ERFL: variants seen among roughly 807,000 people sequenced by gnomAD.
The protein encoded by ERFL is ETS domain-containing transcription factor ERF-like.
A neutral mutation model predicts 27.9 loss-of-function variants in ERFL; 8 were observed. The ratio of observed to expected loss-of-function variants is 0.29; its 90% CI spans 0.17 to 0.52. ERFL has a LOEUF of 0.52. Ranked by LOEUF, ERFL falls within the 20% of genes least tolerant of loss-of-function variation. The probability of loss-of-function intolerance (pLI) is 0.97; values close to 1 mark genes in which losing one functional copy is unlikely to be tolerated. For missense variants in ERFL, 294 were observed against 444.4 expected (o/e 0.66, Z 3.04); for synonymous variants, 174 against 202.8 (o/e 0.86, Z 1.21).
rs149738953 is a variant in ERFL at position 41,910,731 on chromosome 19, G to A, written c.68-634C>T. On this transcript the variant is annotated intron_variant, in intron 2 of 5. Transcript: ENST00000597630. This position sits in a 1 kb window ranked among gnomAD's most constrained non-coding sequence, Gnocchi z 4.4. ...AGTCCAGAACGATGTGTGTGTGTGCGTGGACACACACATGCCCACGGAAGA... is the reference window on the plus strand; with the variant it reads ...AGTCCAGAACGATGTGTGTGTGTGCATGGACACACACATGCCCACGGAAGA... Among the ~76,000 whole-genome samples, 44 of 152,194 alleles carry A rather than the reference G, an allele frequency of 2.9e-4. No individual in the cohort carries two copies. In the East Asian group the frequency reaches 6.8e-3, roughly 23 times the overall value.
rs969475700 is a variant in ERFL at position 41,910,103 on chromosome 19, G to A, written c.68-6C>T. The A allele has an allele frequency of 2.5e-6, 4 of 1,610,422 alleles. No homozygotes were observed. The highest frequency in any genetic ancestry group is 1.7e-5 in the Admixed American group (1 of 59,712). ...CCAATCCGGGAAGGCAAACCCTGGG[G>A]ACGGGAGGCAGGGAGTGGCCTGGGG... On this transcript the variant is annotated splice_region_variant and splice_polypyrimidine_tract_variant and intron_variant, in intron 2 of 5. Coordinates refer to ENST00000597630, the MANE Select transcript of ERFL (RefSeq NM_001365103.2). This position sits in a 1 kb window ranked among gnomAD's most constrained non-coding sequence, Gnocchi z 4.4.
In ERFL at chr19:41,910,467, G is replaced by A. The variant is rs1419960972; in HGVS notation, c.68-370C>T. Among the ~76,000 whole-genome samples the A allele has an allele frequency of 6.6e-6, 1 of 152,064 alleles. No individual in the cohort carries two copies. The highest frequency in any genetic ancestry group is 2.4e-5 in the African/African-American group (1 of 41,406). ...AGCGTTAGTCCTCTCACTGCCCCCA[G>A]CCAGCCCTAGGAGGTCTCTAGTCTC... On this transcript the variant is annotated intron_variant, in intron 2 of 5. Transcript: ENST00000597630. The surrounding 1 kb of genome is among the most constrained non-coding windows in gnomAD (Gnocchi z 4.4).
intron 1 of ERFL, among the ~76,000 whole-genome samples, chr19:41,922,024 C>T (rs1454123918): frequency 6.7e-6 from 1 of 149,510 alleles, no homozygotes; most frequent in Non-Finnish European, 1.5e-5. Flanking sequence ...CACTCCACAT[C>T]GGGCCCCACC....
At chr19:41,919,234 C>G (rs1260788229) in intron 1 of ERFL, among the ~76,000 whole-genome samples, 1 of 152,118 alleles carries the variant, frequency 6.6e-6, no homozygotes, top group Non-Finnish European at 1.5e-5. Context: ...CCTTAACACA[C>G]AGACCCACAG....
chr19:41,920,145 GAC>G (rs1396535349), intron 1 of ERFL, among the ~76,000 whole-genome samples: 1 of 116,500 alleles, frequency 8.6e-6, no homozygotes, highest in Non-Finnish European at 1.7e-5. Context: ...TCACAGACAT[GAC>G]ACGCCCAGAC....
intron 1 of ERFL, among the ~76,000 whole-genome samples, chr19:41,914,441 T>TTTCTCCATCTCTCACCCCTGCTTC (rs1198102593): frequency 2.7e-4 from 41 of 151,596 alleles, no homozygotes; most frequent in Non-Finnish European, 2.8e-4. Flanking sequence ...CTCTTCCCTG[T>TTTCTCCATCTCTCACCCCTGCTTC]TTCTCCATCT....
At position 41,921,998 on chromosome 19, in the gene ERFL, C is replaced by T. The variant is rs982587772; in HGVS notation, c.-14+6042G>A. ...CTTCCCCACCCTTGCCTTCATTCTA[C>T]CTCCACCCCCAGCCTCACTCCACAT... On this transcript the variant is annotated intron_variant, in intron 1 of 5. Transcript: ENST00000597630. This position sits in a 1 kb window ranked among gnomAD's most constrained non-coding sequence, Gnocchi z 4.4. Among the ~76,000 whole-genome samples the T allele has an allele frequency of 7.0e-6, 1 of 142,368 alleles. No homozygotes were observed. Among genetic ancestry groups the T allele is most frequent in the African/African-American group, 2.5e-5 (1 of 39,720 alleles). 93.4% of individuals were successfully genotyped at this position (142,368 alleles called of 152,430 possible).
In ERFL at chr19:41,908,484, C is replaced by T; in HGVS notation, c.809G>A (p.Gly270Glu). 2 of 1,231,532 alleles carry T rather than the reference C, an allele frequency of 1.6e-6. No homozygotes were observed. Among genetic ancestry groups the T allele is most frequent in the South Asian group, 4.1e-5 (1 of 24,322 alleles). 76.3% of individuals were successfully genotyped at this position (1,231,532 alleles called of 1,614,324 possible). ...CAGCAGGGGCGTGGCTGTGGGGCCT[C>T]CCCCTGCCCCTGACGAGGGCAGGTG... is the stretch of plus-strand genomic sequence containing the variant. ...LGHLPSSGAGGGPTATPLLAS... is the reference protein window; with the variant it reads ...LGHLPSSGAGEGPTATPLLAS... The change falls in exon 6 of 6, where the codon GGA (glycine) becomes GAA (glutamate). Residue 270 changes from glycine (G) to glutamate (E), a missense_variant. By Grantham distance (98) the Gly-to-Glu change is moderately conservative. This residue lies in a region of ERFL where 246 missense variants were observed against 371.4 expected (regional missense o/e 0.66). Coordinates refer to ENST00000597630, the MANE Select transcript of ERFL (RefSeq NM_001365103.2). This position sits in a 1 kb window ranked among gnomAD's most constrained non-coding sequence, Gnocchi z 6.7.
At chr19:41,920,249 GAGGCACAGAC>G (rs2074833299) in intron 1 of ERFL, among the ~76,000 whole-genome samples, 1 of 118,164 alleles carries the variant, frequency 8.5e-6, no homozygotes, top group African/African-American at 3.3e-5. Flanking sequence ...GCTCAGACGT[GAGGCACAGAC>G]ATGACATGCT....
Position 41,908,169 on chromosome 19 carries a change from G to T in ERFL, c.*59C>A. 8.3e-7 allele frequency: 1 copy of T among 1,211,554 alleles called. No individual in the cohort carries two copies. Among genetic ancestry groups the T allele is most frequent in the Non-Finnish European group, 1.0e-6 (1 of 969,600 alleles). 75.1% of individuals were successfully genotyped at this position (1,211,554 alleles called of 1,614,324 possible). A position where few individuals can be genotyped will look rare whatever the true frequency, so the allele number is the denominator to read the frequency against. On this transcript the variant is annotated 3_prime_UTR_variant, in exon 6 of 6. Transcript: ENST00000597630. This position sits in a 1 kb window ranked among gnomAD's most constrained non-coding sequence, Gnocchi z 6.7. ...TCCTGGGCCTTGGGCCAGGCATCAA[G>T]GGCAGACGGGCAGCCACCCTGGTCC...
chr19:41,925,831 G>T (rs1254216206), intron 1 of ERFL, among the ~76,000 whole-genome samples: 5 of 152,146 alleles, frequency 3.3e-5, no homozygotes, highest in Admixed American at 1.3e-4. Flanking sequence ...TGGAAGGGCA[G>T]GTGTTGGGGT....
chr19:41,923,251 C>T, intron 1 of ERFL: 2 of 449,138 alleles, frequency 4.5e-6, no homozygotes, highest in South Asian at 3.2e-5. Flanking sequence ...TGACTCTAGG[C>T]CCCCGATATT....
In ERFL at chr19:41,908,316, A is replaced by G; in HGVS notation, c.977T>C (p.Val326Ala). ...DSDSELEITD[V>A]SGCSSDSEGD... The stretch of plus-strand genomic sequence containing the variant: ...CTCGCTGTCAGAGCTGCAGCCGCTG[A>G]CGTCGGTGATCTCCAGCTCCGAGTC... The change falls in exon 6 of 6, where the codon GTC becomes GCC. Residue 326 changes from valine to alanine, a missense_variant. Coordinates refer to ENST00000597630, the MANE Select transcript of ERFL (RefSeq NM_001365103.2). This position sits in a 1 kb window ranked among gnomAD's most constrained non-coding sequence, Gnocchi z 6.7. The G allele has an allele frequency of 8.1e-7, 1 of 1,231,380 alleles. No individual in the cohort carries two copies. Among genetic ancestry groups the G allele is most frequent in the Non-Finnish European group, 1.0e-6 (1 of 987,780 alleles). 76.3% of individuals were successfully genotyped at this position (1,231,380 alleles called of 1,614,324 possible).
chr19:41,920,231 C>T (rs1014538808), intron 1 of ERFL, among the ~76,000 whole-genome samples: 4 of 122,540 alleles, frequency 3.3e-5, no homozygotes, highest in Non-Finnish European at 6.6e-5. Flanking sequence ...GACACTCAGA[C>T]GTGACGTGCT....
At chr19:41,924,803 A>G in intron 1 of ERFL, among the ~76,000 whole-genome samples, 1 of 152,178 alleles carries the variant, frequency 6.6e-6, no homozygotes, top group East Asian at 1.9e-4. Flanking sequence ...AGAGCTGGTC[A>G]GAGACACGTG....
Position 41,909,334 on chromosome 19 carries a change from A to G in ERFL, c.440T>C (p.Leu147Pro). 8.1e-7 allele frequency: 1 copy of G among 1,235,780 alleles called. No homozygotes were observed. Among genetic ancestry groups the G allele is most frequent in the Non-Finnish European group, 1.0e-6 (1 of 989,502 alleles). 76.6% of individuals were successfully genotyped at this position (1,235,780 alleles called of 1,614,324 possible). A position where few individuals can be genotyped will look rare whatever the true frequency, so the allele number is the denominator to read the frequency against. Residue 147 changes from leucine to proline, a missense_variant, in exon 4 of 6, where the codon CTG (leucine) becomes CCG (proline). Around this residue, in one of 3 missense-constraint regions of ERFL, gnomAD observed 246 missense variants for 371.4 expected, o/e 0.66. Transcript: ENST00000597630. This position sits in a 1 kb window ranked among gnomAD's most constrained non-coding sequence, Gnocchi z 5.2. ...GGCCCCCCCAAAGGGACTGGGGGTCAGCAAGAGTGGGGAGCCAGTGGCAGC... is the reference window on the plus strand; with the variant it reads ...GGCCCCCCCAAAGGGACTGGGGGTCGGCAAGAGTGGGGAGCCAGTGGCAGC... ...AAAATGSPLL[L>P]TPSPFGGAPG...
At chr19:41,924,820 A>G (rs1350744903) in intron 1 of ERFL, among the ~76,000 whole-genome samples, 1 of 152,048 alleles carries the variant, frequency 6.6e-6, no homozygotes, top group African/African-American at 2.4e-5. Context: ...CGTGCTAGGA[A>G]AGGGGACCGG....
chr19:41,908,069 A>ACC lies in ERFL; in HGVS notation c.*157_*158dup, dbSNP rs1364313600. On this transcript the variant is annotated 3_prime_UTR_variant, in exon 6 of 6. Transcript: ENST00000597630. This position sits in a 1 kb window ranked among gnomAD's most constrained non-coding sequence, Gnocchi z 6.7. ...TGTCCTCTGTGGAGGGGGAAGTGAG[A>ACC]CCCCCCCCACTCTGGGGCTGGGGAA... 1 of 484,014 alleles carries ACC rather than the reference A, an allele frequency of 2.1e-6. No individual in the cohort carries two copies. The allele number at this position is 484,014 out of a possible 1,614,324, so 30.0% of individuals were successfully genotyped here. A position where few individuals can be genotyped will look rare whatever the true frequency, so the allele number is the denominator to read the frequency against.
chr19:41,908,115 G>T lies in ERFL; in HGVS notation c.*113C>A. 1 of 825,132 alleles carries T rather than the reference G, an allele frequency of 1.2e-6. No homozygotes were observed. Among genetic ancestry groups the T allele is most frequent in the Non-Finnish European group, 1.6e-6 (1 of 616,520 alleles). The allele number at this position is 825,132 out of a possible 1,614,324, so 51.1% of individuals were successfully genotyped here. A position where few individuals can be genotyped will look rare whatever the true frequency, so the allele number is the denominator to read the frequency against. On this transcript the variant is annotated 3_prime_UTR_variant, in exon 6 of 6. Transcript: ENST00000597630. This position sits in a 1 kb window ranked among gnomAD's most constrained non-coding sequence, Gnocchi z 6.7. ...GGGAAGGAGACTGGGGCAGCAATGT[G>T]CCCAGACCTGGGAGGTGCTGAGGGC...
Sources: allele counts gnomAD v4.1 joint callset (sites outside exome capture counted in the v4.1 genomes callset), GRCh38; gene constraint gnomAD v4.1.1; regional missense constraint gnomAD v4.1.1; non-coding constraint Gnocchi (gnomAD v3.1); transcripts MANE v1.5; gene names NCBI Gene and HGNC (gene_info 2026-07-23, HGNC 2026-07-21).